AMN: variants seen among roughly 807,000 people sequenced by gnomAD.
AMN encodes amnion associated transmembrane protein.
A neutral mutation model predicts 49.1 loss-of-function variants in AMN; 40 were observed. That is an observed-to-expected ratio of 0.81 (90% CI 0.63 to 1.06). AMN has a LOEUF of 1.06. Ranked by LOEUF, AMN falls within the 50% of genes least tolerant of loss-of-function variation. The pLI is 0.00. For missense variants in AMN, 701 were observed against 662.8 expected (o/e 1.06, Z -0.63); for synonymous variants, 380 against 313.3 (o/e 1.21, Z -2.25).
chr14:102,928,560 G>A, intron 4 of AMN, 47 bp downstream of exon 4: 1 of 1,566,538 alleles, frequency 6.4e-7, no homozygotes, highest in African/African-American at 1.3e-5. Context: ...CATGTTCAGG[G>A]GCGGGGACTG....
chr14:102,928,707 G>A lies in AMN; in HGVS notation c.296-51G>A, dbSNP rs1016597041. 3.5e-5 allele frequency: 55 copies of A among 1,573,424 alleles called. 1 individual carries two copies. The African/African-American group carries it at 5.4e-4, about 15-fold the overall frequency. Reference sequence around the variant, plus strand: ...CGCGTGGCGTGGCGTGGCGTGGCGTGGTGTGGCGCGGCGCTTGTTCCGTGG... The same window carrying A: ...CGCGTGGCGTGGCGTGGCGTGGCGTAGTGTGGCGCGGCGCTTGTTCCGTGG... On this transcript the variant is annotated intron_variant, in intron 4 of 11. Transcript: ENST00000299155.
intron 8 of AMN, 62 bp downstream of exon 8, chr14:102,929,799 G>C: frequency 6.5e-7 from 1 of 1,544,412 alleles, no homozygotes; most frequent in Non-Finnish European, 8.8e-7. Context: ...CCTCCGCCTA[G>C]GACGCCCCTT....
intron 3 of AMN, among the ~76,000 whole-genome samples, chr14:102,928,011 C>T (rs1027818237): frequency 2.6e-5 from 4 of 152,212 alleles, no homozygotes; most frequent in Non-Finnish European, 4.4e-5. Flanking sequence ...AGGAGCCGGG[C>T]AACTTTCGAA....
At position 102,929,233 on chromosome 14, in the gene AMN, C is replaced by T. The variant is rs1433753982; in HGVS notation, c.626C>T (p.Ser209Leu). The T allele has an allele frequency of 6.6e-7, 1 of 1,521,396 alleles. No individual in the cohort carries two copies. Among genetic ancestry groups the T allele is most frequent in the Non-Finnish European group, 8.7e-7 (1 of 1,144,958 alleles). 94.2% of individuals were successfully genotyped at this position (1,521,396 alleles called of 1,614,324 possible). A position where few individuals can be genotyped will look rare whatever the true frequency, so the allele number is the denominator to read the frequency against. The stretch of plus-strand genomic sequence containing the variant: ...GGCCCCGAGGACTGCGCGGACCCGT[C>T]GGGCTGCGTCTGCGGCAACGCGGAG... Reference protein sequence around the residue: ...SVGPEDCADPSGCVCGNAEAQ... With the variant: ...SVGPEDCADPLGCVCGNAEAQ... Residue 209 changes from serine to leucine, a missense_variant, in exon 6 of 12, where the codon TCG (serine) becomes TTG (leucine). By Grantham distance (145) the Ser-to-Leu change is moderately radical. Coordinates refer to ENST00000299155, the MANE Select transcript of AMN (RefSeq NM_030943.4).
At chr14:102,923,589 T>C in intron 1 of AMN, 122 bp from the exon 2 acceptor site, 3 of 936,710 alleles carry the variant, frequency 3.2e-6, no homozygotes, top group Non-Finnish European at 3.5e-6. Flanking sequence ...CCCCCGGGGA[T>C]GGGGTTCCTA....
At chr14:102,926,001 C>A (rs1595431726) in intron 3 of AMN, among the ~76,000 whole-genome samples, 1 of 152,182 alleles carries the variant, frequency 6.6e-6, no homozygotes, top group Non-Finnish European at 1.5e-5. Flanking sequence ...CTTTTCCTTG[C>A]CCTTCCTCCC....
chr14:102,928,838 G>A lies in AMN; in HGVS notation c.376G>A (p.Gly126Ser), dbSNP rs1168899624. Residue 126 changes from glycine to serine, a missense_variant, in exon 5 of 12, where the codon GGC becomes AGC. Physicochemically the swap from Gly to Ser is moderately conservative, Grantham distance 56. Coordinates refer to ENST00000299155, the MANE Select transcript of AMN (RefSeq NM_030943.4). Reference sequence around the variant, plus strand: ...GTGGCGCTCTGGGGACGAGGCACCTGGCCTCTTCTTCGTGGACGCCGAGCG... The same window carrying A: ...GTGGCGCTCTGGGGACGAGGCACCTAGCCTCTTCTTCGTGGACGCCGAGCG... Reference protein sequence around the residue: ...HLWRSGDEAPGLFFVDAERVP... With the variant: ...HLWRSGDEAPSLFFVDAERVP... The A allele has an allele frequency of 1.2e-6, 2 of 1,606,346 alleles. No individual in the cohort carries two copies. Among genetic ancestry groups the A allele is most frequent in the Admixed American group, 3.3e-5 (2 of 60,014 alleles).
chr14:102,926,030 C>T (rs1308577504), intron 3 of AMN, among the ~76,000 whole-genome samples: 1 of 152,182 alleles, frequency 6.6e-6, no homozygotes, highest in East Asian at 1.9e-4. Context: ...CTTTTGCCTG[C>T]TTTCTTGTTG....
Position 102,929,253 on chromosome 14 carries a change from G to A in AMN, c.646G>A (p.Ala216Thr). The change falls in exon 6 of 12, where the codon GCG (alanine) becomes ACG (threonine). Residue 216 changes from alanine to threonine, a missense_variant. Coordinates refer to ENST00000299155, the MANE Select transcript of AMN (RefSeq NM_030943.4). The part of the protein sequence containing the change: ...ADPSGCVCGN[A>T]EAQPWICAAL... ...CCCGTCGGGCTGCGTCTGCGGCAAC[G>A]CGGAGGTGAGCGAGGCCGCAGTGGA... 6.8e-7 allele frequency: 1 copy of A among 1,480,020 alleles called. No individual in the cohort carries two copies. Among genetic ancestry groups the A allele is most frequent in the African/African-American group, 1.4e-5 (1 of 69,540 alleles). The allele number at this position is 1,480,020 out of a possible 1,614,324, so 91.7% of individuals were successfully genotyped here.
Position 102,929,911 on chromosome 14 carries a change from T to C in AMN, c.844-13T>C. 2 of 1,552,662 alleles carry C rather than the reference T, an allele frequency of 1.3e-6. No individual in the cohort carries two copies. Among genetic ancestry groups the C allele is most frequent in the Non-Finnish European group, 1.7e-6 (2 of 1,148,734 alleles). On this transcript the variant is annotated splice_polypyrimidine_tract_variant and intron_variant, in intron 8 of 11. Coordinates refer to ENST00000299155, the MANE Select transcript of AMN (RefSeq NM_030943.4). ...GGGGGGCTGAGTCAAACCAACCCCG[T>C]CCCCCTCCCCAGCCTCAGTACCACG...
Position 102,923,847 on chromosome 14 carries a change from C to A in AMN, c.162+18C>A. On this transcript the variant is annotated intron_variant, in intron 2 of 11. Transcript: ENST00000299155. ...CGGACAAGGTGCCTGGGAGCGCCGG[C>A]GGGGTCGGTGATGGGCCTGGACCCC... The A allele has an allele frequency of 1.9e-6, 3 of 1,612,514 alleles. No homozygotes were observed. The highest frequency in any genetic ancestry group is 2.5e-6 in the Non-Finnish European group (3 of 1,179,704).
At position 102,930,067 on chromosome 14, in the gene AMN, G is replaced by C; in HGVS notation, c.987G>C (p.Leu329=). 6.5e-7 allele frequency: 1 copy of C among 1,543,342 alleles called. No individual in the cohort carries two copies. The highest frequency in any genetic ancestry group is 1.2e-5 in the South Asian group (1 of 83,530). Residue 329 remains leucine (L), a synonymous_variant, in exon 9 of 12, where the codon CTG becomes CTC. Coordinates refer to ENST00000299155, the MANE Select transcript of AMN (RefSeq NM_030943.4). ...GGAGRLARAL[L]ADVAENGEAL... ...CGGGGCGGCTGGCCCGGGCCCTCCT[G>C]GCGGACGTCGCCGAGAACGGTAACC...
At position 102,929,659 on chromosome 14, in the gene AMN, C is replaced by T; in HGVS notation, c.765C>T (p.Ala255=). The change falls in exon 8 of 12, where the codon GCC becomes GCT. Residue 255 remains alanine, a synonymous_variant. Transcript: ENST00000299155. ...ACCCCTGCCCTCCCGCCGCAGGAGCCGTTGTGTTGCTGACCCACGGCCCCG... is the reference window on the plus strand; with the variant it reads ...ACCCCTGCCCTCCCGCCGCAGGAGCTGTTGTGTTGCTGACCCACGGCCCCG... ...PQGQCCDLCG[A]VVLLTHGPAF... is the part of the protein sequence containing the mutation. 6.5e-6 allele frequency: 10 copies of T among 1,549,484 alleles called. No homozygotes were observed. The highest frequency in any genetic ancestry group is 8.7e-6 in the Non-Finnish European group (10 of 1,147,010).
chr14:102,922,736 G>A lies in AMN; in HGVS notation c.43+5G>A. The A allele has an allele frequency of 1.3e-6, 2 of 1,585,722 alleles. No individual in the cohort carries two copies. The highest frequency in any genetic ancestry group is 1.7e-6 in the Non-Finnish European group (2 of 1,170,076). On this transcript the variant is annotated splice_donor_5th_base_variant and intron_variant, in intron 1 of 11. Transcript: ENST00000299155. The stretch of plus-strand genomic sequence containing the variant: ...TGCTGTGGCTGCAGCTCTGCGGTGA[G>A]CCGGGACCACACCGGTGCGGGCCCG...
At position 102,928,435 on chromosome 14, in the gene AMN, C is replaced by G. The variant is rs1411465840; in HGVS notation, c.217C>G (p.Leu73Val). Residue 73 changes from leucine (L) to valine (V), a missense_variant, in exon 4 of 12, where the codon CTG (leucine) becomes GTG (valine). Coordinates refer to ENST00000299155, the MANE Select transcript of AMN (RefSeq NM_030943.4). The part of the protein sequence containing the change: ...GHAVSDMLLP[L>V]DGELVLASGA... ...CCCGTGTCTCTTGCAGCTCCTGCCG[C>G]TGGATGGGGAACTCGTCCTGGCTTC... 1.2e-6 allele frequency: 2 copies of G among 1,604,514 alleles called. No homozygotes were observed. The highest frequency in any genetic ancestry group is 1.7e-6 in the Non-Finnish European group (2 of 1,176,682).
chr14:102,929,764 G>A, intron 8 of AMN, 27 bp downstream of exon 8: 1 of 1,548,822 alleles, frequency 6.5e-7, no homozygotes, highest in South Asian at 1.2e-5. Context: ...GGCAGCTGAG[G>A]GGAGTCCCGA....
rs1260149688 is a variant in AMN, at chr14:102,928,942, C to T, written c.480C>T (p.Pro160=). The T allele has an allele frequency of 2.6e-5, 42 of 1,600,222 alleles. No homozygotes were observed. The highest frequency in any genetic ancestry group is 1.7e-4 in the Middle Eastern group (1 of 6,058). Residue 160 remains proline, a synonymous_variant, in exon 5 of 12, where the codon CCC becomes CCT. Coordinates refer to ENST00000299155, the MANE Select transcript of AMN (RefSeq NM_030943.4). ...FRVGLGPGAS[P]VRVRSISALG... Reference sequence around the variant, plus strand: ...TGGGGCTCGGCCCTGGCGCTAGCCCCGTGCGTGTCCGCAGCATCTCGGCTC... The same window carrying T: ...TGGGGCTCGGCCCTGGCGCTAGCCCTGTGCGTGTCCGCAGCATCTCGGCTC...
intron 1 of AMN, 175 bp from the exon 2 acceptor site, chr14:102,923,536 G>A (rs1891112278): frequency 3.0e-6 from 2 of 657,938 alleles, no homozygotes; most frequent in Non-Finnish European, 5.4e-6. Flanking sequence ...CCCGGGCAGG[G>A]CGCCCACAGT....
At position 102,930,719 on chromosome 14, in the gene AMN, C is replaced by G. The variant is rs1467409938; in HGVS notation, c.*39C>G. On this transcript the variant is annotated 3_prime_UTR_variant, in exon 12 of 12. Transcript: ENST00000299155. The stretch of plus-strand genomic sequence containing the variant: ...CGTCGACCTTGGGGCTCTCCACCCG[C>G]TCTGGCCCCAGTCGAACTGGGGGCT... The G allele has an allele frequency of 4.5e-6, 7 of 1,541,796 alleles. No individual in the cohort carries two copies. The highest frequency in any genetic ancestry group is 1.4e-5 in the African/African-American group (1 of 73,024).
Sources: gnomAD v4.1 joint callset for allele counts (sites outside exome capture counted in the v4.1 genomes callset) on GRCh38, gnomAD v4.1.1 for gene constraint, MANE v1.5 for transcripts, NCBI Gene and HGNC (gene_info 2026-07-23, HGNC 2026-07-21) for gene names.